CNNM2: variants seen among roughly 807,000 people sequenced by gnomAD.
CNNM2 encodes cyclin and CBS domain divalent metal cation transport mediator 2, also known as metal transporter CNNM2.
Under a neutral mutation model 66.9 loss-of-function variants are expected in CNNM2, and 12 were observed. That is an observed-to-expected ratio of 0.18 (90% CI 0.11 to 0.29). CNNM2 has a LOEUF of 0.29. Among genes scored for constraint, CNNM2 ranks in the 10% least tolerant of loss-of-function variants. The probability of loss-of-function intolerance (pLI) is 1.00; values close to 1 mark genes in which losing one functional copy is unlikely to be tolerated. For synonymous variants in CNNM2, 557 were observed against 501.8 expected (o/e 1.11, Z -1.47); for missense variants, 705 against 1,167.7 (o/e 0.60, Z 5.77).
chr10:102,949,806 CAAT>C (rs1010381822), intron 1 of CNNM2, among the ~76,000 whole-genome samples: 45 of 151,726 alleles, frequency 3.0e-4, no homozygotes, highest in African/African-American at 9.9e-4. Flanking sequence ...ATAATAATAA[CAAT>C]AATAATAATA....
At position 102,919,960 on chromosome 10, in the gene CNNM2, C is replaced by G. The variant is rs774636915; in HGVS notation, c.1480C>G (p.Leu494Val). 8.7e-6 allele frequency: 14 copies of G among 1,614,140 alleles called. No homozygotes were observed. Among genetic ancestry groups the G allele is most frequent in the Non-Finnish European group, 1.2e-5 (14 of 1,180,062 alleles). Residue 494 changes from leucine to valine, a missense_variant, in exon 1 of 8, where the codon CTG (leucine) becomes GTG (valine). Coordinates refer to ENST00000369878, the MANE Select transcript of CNNM2 (RefSeq NM_017649.5). ...FEGERSNIVD[L>V]LFVKDLAFVD... is the part of the protein sequence containing the mutation. ...AGGGGAGCGCTCCAATATCGTGGAC[C>G]TGCTGTTTGTCAAAGACTTGGCCTT...
At chr10:102,942,704 A>G (rs1261635595) in intron 1 of CNNM2, among the ~76,000 whole-genome samples, 1 of 152,212 alleles carries the variant, frequency 6.6e-6, no homozygotes, top group Admixed American at 6.5e-5. Flanking sequence ...GTCATATAGT[A>G]ATTCTATTCT....
At chr10:102,972,597 C>T (rs948081969) in intron 1 of CNNM2, among the ~76,000 whole-genome samples, 7 of 152,190 alleles carry the variant, frequency 4.6e-5, no homozygotes, top group African/African-American at 1.7e-4. Flanking sequence ...GATCGCGCCT[C>T]TGCACTCCAG....
rs2065258779 is a variant in CNNM2, at chr10:103,054,118, G to T, written c.1766-211G>T. Among the ~76,000 whole-genome samples, 2 of 152,166 alleles carry T rather than the reference G, an allele frequency of 1.3e-5. No homozygotes were observed. Among genetic ancestry groups the T allele is most frequent in the African/African-American group, 4.8e-5 (2 of 41,434 alleles). ...CTAATCAGGCTGCCTGCGGTCACTC[G>T]CTGCGGACTGCGTGGTGCCCAGGCC... On this transcript the variant is annotated intron_variant, in intron 2 of 7. Transcript: ENST00000369878. This position sits in a 1 kb window ranked among gnomAD's most constrained non-coding sequence, Gnocchi z 5.2.
At chr10:102,953,827 C>T (rs1265458195) in intron 1 of CNNM2, among the ~76,000 whole-genome samples, 2 of 152,136 alleles carry the variant, frequency 1.3e-5, no homozygotes, top group African/African-American at 4.8e-5. Context: ...TCCCAAAATG[C>T]TGGGATTACA....
chr10:102,991,176 C>T (rs1395140640), intron 1 of CNNM2, among the ~76,000 whole-genome samples: 5 of 151,872 alleles, frequency 3.3e-5, no homozygotes, highest in African/African-American at 7.3e-5. Flanking sequence ...TTAGTAGAGA[C>T]GAGGTTTCAC....
At chr10:103,001,591 A>T (rs1564840077) in intron 1 of CNNM2, among the ~76,000 whole-genome samples, 1 of 152,198 alleles carries the variant, frequency 6.6e-6, no homozygotes, top group Non-Finnish European at 1.5e-5. Flanking sequence ...TCTTTTCAAC[A>T]AAACAGTGTG....
chr10:103,057,062 T>C (rs1329492705), intron 4 of CNNM2, 98 bp downstream of exon 4: 3 of 1,187,110 alleles, frequency 2.5e-6, no homozygotes, highest in Non-Finnish European at 3.6e-6. Flanking sequence ...ACTGAACCTT[T>C]CTATAGGGGG....
rs747851809 is a variant in CNNM2 at position 103,083,436 on chromosome 10, A to G, written c.*6256A>G. The stretch of plus-strand genomic sequence containing the variant: ...CTTCCCTTTCATCTGTGCAACACCA[A>G]CCATGCCATTGTATTCAGCTTGGCT... On this transcript the variant is annotated 3_prime_UTR_variant, in exon 8 of 8. Transcript: ENST00000369878. 6.6e-6 allele frequency: 1 copy of G among 152,136 alleles called. No individual in the cohort carries two copies. The highest frequency in any genetic ancestry group is 1.5e-5 in the Non-Finnish European group (1 of 68,018). 9.4% of individuals were successfully genotyped at this position (152,136 alleles called of 1,614,324 possible). A position where few individuals can be genotyped will look rare whatever the true frequency, so the allele number is the denominator to read the frequency against.
At position 103,069,713 on chromosome 10, in the gene CNNM2, G is replaced by A. The variant is rs77370986; in HGVS notation, c.2167+991G>A. On this transcript the variant is annotated intron_variant, in intron 5 of 7. Coordinates refer to ENST00000369878, the MANE Select transcript of CNNM2 (RefSeq NM_017649.5). Reference sequence around the variant, plus strand: ...TGGCTTGCTGGCCTCTGGGGATGGCGCTGCTTGGCAGAGCGCACACGCTTG... The same window carrying A: ...TGGCTTGCTGGCCTCTGGGGATGGCACTGCTTGGCAGAGCGCACACGCTTG... Among the ~76,000 whole-genome samples, 576 of 152,330 alleles carry A rather than the reference G, an allele frequency of 3.8e-3. 4 individuals are homozygous for A. Among genetic ancestry groups the A allele is most frequent in the African/African-American group, 0.011 (478 of 41,572 alleles).
chr10:103,049,592 CAG>C (rs1396481618), intron 1 of CNNM2, 113 bp from the exon 2 acceptor site: 12 of 1,003,408 alleles, frequency 1.2e-5, no homozygotes, highest in Admixed American at 9.3e-5. Context: ...AATGCTGAAA[CAG>C]AGATTTTGAT....
chr10:102,968,793 A>G (rs1038864886), intron 1 of CNNM2, among the ~76,000 whole-genome samples: 9 of 151,526 alleles, frequency 5.9e-5, no homozygotes, highest in African/African-American at 2.2e-4. Context: ...TAGAGACAGC[A>G]TCTGACTATG....
At position 102,918,902 on chromosome 10, in the gene CNNM2, C is replaced by T; in HGVS notation, c.422C>T (p.Pro141Leu). The change falls in exon 1 of 8, where the codon CCA becomes CTA. Residue 141 changes from proline to leucine, a missense_variant. Around this residue, in one of 9 missense-constraint regions of CNNM2, gnomAD observed 100 missense variants for 151.9 expected, o/e 0.66. Coordinates refer to ENST00000369878, the MANE Select transcript of CNNM2 (RefSeq NM_017649.5). The surrounding 1 kb of genome is among the most constrained non-coding windows in gnomAD (Gnocchi z 4.1). Reference protein sequence around the residue: ...GERGLGGPAPPEPDSGPQRCG... With the variant: ...GERGLGGPAPLEPDSGPQRCG... ...CGCGGGCTGGGGGGCCCCGCGCCGC[C>T]AGAGCCGGACAGCGGCCCCCAGCGA... The T allele has an allele frequency of 1.2e-6, 2 of 1,611,052 alleles. No homozygotes were observed. The highest frequency in any genetic ancestry group is 1.7e-6 in the Non-Finnish European group (2 of 1,178,802).
rs779727783 is a variant in CNNM2, at chr10:103,049,610, G to A, written c.1622-97G>A. ...GCTGAAACAGAGATTTTGATAATTCGACATCTGTGTTTGCTGGTGTTTTTA... is the reference window on the plus strand; with the variant it reads ...GCTGAAACAGAGATTTTGATAATTCAACATCTGTGTTTGCTGGTGTTTTTA... On this transcript the variant is annotated intron_variant, in intron 1 of 7. Transcript: ENST00000369878. 5.6e-5 allele frequency: 62 copies of A among 1,106,102 alleles called. 1 individual carries two copies. Among genetic ancestry groups the A allele is most frequent in the South Asian group, 1.7e-4 (11 of 63,990 alleles). The allele number at this position is 1,106,102 out of a possible 1,614,324, so 68.5% of individuals were successfully genotyped here.
chr10:102,954,755 A>G (rs143812836), intron 1 of CNNM2, among the ~76,000 whole-genome samples: 1 of 152,166 alleles, frequency 6.6e-6, no homozygotes, highest in Admixed American at 6.6e-5. Context: ...GGACATTGTT[A>G]AGAACCACTT....
intron 4 of CNNM2, among the ~76,000 whole-genome samples, chr10:103,068,111 C>T (rs1159651062): frequency 1.3e-5 from 2 of 152,200 alleles, no homozygotes; most frequent in African/African-American, 4.8e-5. Context: ...GTGCTGGTCC[C>T]ACTGATGGAG....
chr10:103,037,092 T>C (rs2064954760), intron 1 of CNNM2, among the ~76,000 whole-genome samples: 1 of 152,110 alleles, frequency 6.6e-6, no homozygotes, highest in African/African-American at 2.4e-5. Context: ...CATGTGAATA[T>C]ACAATTGTTT....
chr10:102,939,497 T>G (rs965804591), intron 1 of CNNM2, among the ~76,000 whole-genome samples: 1 of 152,208 alleles, frequency 6.6e-6, no homozygotes, highest in Non-Finnish European at 1.5e-5. Context: ...AGGACCACTC[T>G]TCAGGTTGGC....
chr10:102,993,971 C>G (rs989767738), intron 1 of CNNM2, among the ~76,000 whole-genome samples: 8 of 152,096 alleles, frequency 5.3e-5, no homozygotes, highest in African/African-American at 1.9e-4. Flanking sequence ...GAGTCTTACT[C>G]TGTCACCCAG....
Sources: allele counts gnomAD v4.1 joint callset (sites outside exome capture counted in the v4.1 genomes callset), GRCh38; gene constraint gnomAD v4.1.1; regional missense constraint gnomAD v4.1.1; non-coding constraint Gnocchi (gnomAD v3.1); transcripts MANE v1.5; gene names NCBI Gene and HGNC (gene_info 2026-07-23, HGNC 2026-07-21).